Variants in OXR1 observed in about 807,000 individuals in gnomAD.
The protein encoded by OXR1 is oxidation resistance 1, also known as oxidation resistance protein 1.
OXR1 carries 41 observed loss-of-function variants against 104.6 expected under a neutral mutation model. The ratio of observed to expected loss-of-function variants is 0.39; its 90% CI spans 0.31 to 0.51. OXR1 has a LOEUF of 0.51. Among genes scored for constraint, OXR1 ranks in the 20% least tolerant of loss-of-function variants. The pLI is 0.77. For missense variants in OXR1, 955 were observed against 1,031.9 expected, an observed-to-expected ratio of 0.93 and a Z score of 1.02; for synonymous variants, 348 against 348.4, an observed-to-expected ratio of 1.00 and a Z score of 0.01.
intron 2 of OXR1, among the ~76,000 whole-genome samples, chr8:106,420,104 A>G (rs1290683424): frequency 6.6e-6 from 1 of 152,152 alleles, no homozygotes; most frequent in East Asian, 1.9e-4. Flanking sequence ...AGGGGAAAGG[A>G]AAAATATTTA....
At chr8:106,707,487 T>C in intron 9 of OXR1, 2 of 443,286 alleles carry the variant, frequency 4.5e-6, no homozygotes, top group Non-Finnish European at 7.8e-6. Context: ...AAGTTTTTGG[T>C]GTGTTACCAT....
chr8:106,334,420 C>A (rs1389836173), intron 1 of OXR1, among the ~76,000 whole-genome samples: 3 of 152,018 alleles, frequency 2.0e-5, no homozygotes, highest in Non-Finnish European at 2.9e-5. Flanking sequence ...ACTCTTGATG[C>A]CTTTTATTTC....
intron 3 of OXR1, among the ~76,000 whole-genome samples, chr8:106,612,379 A>G (rs899407182): frequency 5.3e-5 from 8 of 152,158 alleles, no homozygotes; most frequent in African/African-American, 1.7e-4. Flanking sequence ...TGATGTAAGT[A>G]CCTAAACAAT....
intron 3 of OXR1, among the ~76,000 whole-genome samples, chr8:106,587,563 TA>T (rs1818724999): frequency 6.6e-6 from 1 of 152,164 alleles, no homozygotes; most frequent in African/African-American, 2.4e-5. Context: ...GGACTTTAAA[TA>T]AAGAATGTTC....
chr8:106,333,131 T>C (rs969562358), intron 1 of OXR1, among the ~76,000 whole-genome samples: 28 of 152,124 alleles, frequency 1.8e-4, no homozygotes, highest in Non-Finnish European at 3.8e-4. Flanking sequence ...TGTGAACATA[T>C]ATTTTTAATA....
At chr8:106,745,912 T>C (rs1469247878) in intron 16 of OXR1, 50 bp downstream of exon 16, 1 of 945,922 alleles carries the variant, frequency 1.1e-6, no homozygotes, top group Non-Finnish European at 1.7e-6. Context: ...ACTTTAAAAA[T>C]GCATTTGGAT....
chr8:106,477,863 A>G (rs1437853158), intron 2 of OXR1, among the ~76,000 whole-genome samples: 2 of 151,970 alleles, frequency 1.3e-5, no homozygotes, highest in Admixed American at 6.6e-5. Context: ...GATTATTATA[A>G]GAATTAAATG....
intron 1 of OXR1, among the ~76,000 whole-genome samples, chr8:106,316,717 C>CT (rs147531007): frequency 0.39 from 44,720 of 116,086 alleles, 8,051 homozygotes; most frequent in African/African-American, 0.41. Context: ...ATCTATCTAT[C>CT]ATCTATCTAT....
chr8:106,448,027 C>T lies in OXR1; in HGVS notation c.24-70916C>T, dbSNP rs932428153. The stretch of plus-strand genomic sequence containing the variant: ...TGCCTGCCTGCCTGCACAGAAATGA[C>T]GAAGGACAAAAACAGCCCAGGGTAG... On this transcript the variant is annotated intron_variant, in intron 2 of 16. Transcript: ENST00000517566. 10 of 1,535,786 alleles carry T rather than the reference C, an allele frequency of 6.5e-6. No homozygotes were observed. In the Admixed American group the frequency reaches 1.8e-4, roughly 27 times the overall value.
At chr8:106,398,641 A>G (rs931204390) in intron 2 of OXR1, among the ~76,000 whole-genome samples, 1 of 152,142 alleles carries the variant, frequency 6.6e-6, no homozygotes, top group Non-Finnish European at 1.5e-5. Flanking sequence ...GGCTCTCAGC[A>G]AATTTAGTTG....
At chr8:106,278,121 G>A (rs1812132461) in intron 1 of OXR1, among the ~76,000 whole-genome samples, 1 of 152,134 alleles carries the variant, frequency 6.6e-6, no homozygotes, top group Admixed American at 6.6e-5. Context: ...TGTTTCCAAT[G>A]ATTGATCTGA....
intron 2 of OXR1, among the ~76,000 whole-genome samples, chr8:106,365,744 G>C (rs767618805): frequency 6.6e-6 from 1 of 152,098 alleles, no homozygotes; most frequent in African/African-American, 2.4e-5. Flanking sequence ...TTAAAAATTA[G>C]ACATTTATAA....
At chr8:106,713,614 G>A (rs909017954) in intron 10 of OXR1, among the ~76,000 whole-genome samples, 17 of 151,776 alleles carry the variant, frequency 1.1e-4, no homozygotes, top group African/African-American at 4.1e-4. Flanking sequence ...TCTTAATTTG[G>A]TTTTCTAAAG....
At chr8:106,382,944 T>C (rs1398030757) in intron 2 of OXR1, among the ~76,000 whole-genome samples, 3 of 151,904 alleles carry the variant, frequency 2.0e-5, no homozygotes, top group Non-Finnish European at 4.4e-5. Context: ...CCTTAGCTAC[T>C]CTGATTTTGT....
chr8:106,352,332 C>T (rs1815760958), intron 1 of OXR1, among the ~76,000 whole-genome samples: 1 of 152,106 alleles, frequency 6.6e-6, no homozygotes, highest in Admixed American at 6.5e-5. Context: ...GTTGGTTCTC[C>T]AAGAAGCAGT....
chr8:106,482,862 T>A (rs927763970), intron 2 of OXR1, among the ~76,000 whole-genome samples: 17 of 152,008 alleles, frequency 1.1e-4, no homozygotes, highest in African/African-American at 4.1e-4. Context: ...TTTAGATCAA[T>A]TTTTTTAGTA....
intron 11 of OXR1, among the ~76,000 whole-genome samples, chr8:106,723,098 G>A (rs972785848): frequency 2.0e-5 from 3 of 152,084 alleles, no homozygotes; most frequent in African/African-American, 4.8e-5. Flanking sequence ...GCTCACACCT[G>A]TAATCCCAGC....
At chr8:106,464,590 C>T (rs760650182) in intron 2 of OXR1, among the ~76,000 whole-genome samples, 2 of 151,942 alleles carry the variant, frequency 1.3e-5, no homozygotes, top group Non-Finnish European at 2.9e-5. Flanking sequence ...TCGCAGCTAT[C>T]CTTAGGAGAT....
At chr8:106,506,463 A>G (rs1301353069) in intron 2 of OXR1, among the ~76,000 whole-genome samples, 2 of 152,082 alleles carry the variant, frequency 1.3e-5, no homozygotes, top group East Asian at 3.9e-4. Flanking sequence ...AATACAAAAA[A>G]TTAGCCGGGT....
Sources: allele counts gnomAD v4.1 joint callset (sites outside exome capture counted in the v4.1 genomes callset), GRCh38; gene constraint gnomAD v4.1.1; transcripts MANE v1.5; gene names NCBI Gene and HGNC (gene_info 2026-07-23, HGNC 2026-07-21).